Variants in CHD6 observed in about 807,000 individuals in gnomAD.
CHD6 encodes chromodomain helicase DNA binding protein 6, also known as ATP-dependent chromatin remodeler CHD6.
In CHD6, 50 loss-of-function variants were observed where a neutral mutation model predicts 276.9. The ratio of observed to expected loss-of-function variants is 0.18; its 90% CI spans 0.14 to 0.23. The LOEUF (loss-of-function observed/expected upper bound fraction) is 0.23. CHD6 is among the 10% of genes least tolerant of loss of function. CHD6 has a pLI of 1.00. For missense variants in CHD6, 2,564 were observed against 3,365.8 expected, an observed-to-expected ratio of 0.76 and a Z score of 5.89; for synonymous variants, 1,173 against 1,229.3, an observed-to-expected ratio of 0.95 and a Z score of 0.96.
At chr20:41,502,851 C>T (rs1306489994) in intron 5 of CHD6, among the ~76,000 whole-genome samples, 2 of 152,080 alleles carry the variant, frequency 1.3e-5, no homozygotes, top group Non-Finnish European at 2.9e-5. Context: ...ACTAAAAATA[C>T]AAAAATTAGC....
intron 35 of CHD6, 115 bp from the exon 36 acceptor site, chr20:41,412,378 G>A (rs1569044262): frequency 7.4e-6 from 9 of 1,223,486 alleles, no homozygotes; most frequent in Non-Finnish European, 1.0e-5. Flanking sequence ...GTCTGCACAG[G>A]AGCTGGCCAG....
Position 41,590,859 on chromosome 20 carries a change from G to C in CHD6, c.-24+27481C>G, listed in dbSNP as rs568729901. Among the ~76,000 whole-genome samples the C allele has an allele frequency of 3.9e-3, 583 of 151,144 alleles. 2 individuals carry two copies. The highest frequency in any genetic ancestry group is 9.8e-3 in the Admixed American group (149 of 15,224). On this transcript the variant is annotated intron_variant, in intron 1 of 36. Transcript: ENST00000373233. ...ATTTGACCCACCCATCCCATTACTGGGTATATACCCAAAGGATTATAAATC... is the reference window on the plus strand; with the variant it reads ...ATTTGACCCACCCATCCCATTACTGCGTATATACCCAAAGGATTATAAATC...
At chr20:41,440,975 C>A (rs965212239) in intron 25 of CHD6, among the ~76,000 whole-genome samples, 2 of 152,148 alleles carry the variant, frequency 1.3e-5, no homozygotes, top group Non-Finnish European at 2.9e-5. Context: ...ACTGTTGATG[C>A]AGTTGTATCC....
intron 8 of CHD6, among the ~76,000 whole-genome samples, chr20:41,494,162 C>T (rs972811176): frequency 6.6e-6 from 1 of 152,234 alleles, no homozygotes; most frequent in African/African-American, 2.4e-5. Flanking sequence ...AGTGGCTACA[C>T]CCTAGCCAGG....
intron 10 of CHD6, 68 bp downstream of exon 10, chr20:41,493,470 T>C: frequency 6.6e-7 from 1 of 1,511,558 alleles, no homozygotes; most frequent in East Asian, 2.3e-5. Flanking sequence ...CAGGTGGACT[T>C]CCATGATTGC....
At chr20:41,580,883 T>C (rs777116850) in intron 1 of CHD6, among the ~76,000 whole-genome samples, 4 of 152,196 alleles carry the variant, frequency 2.6e-5, no homozygotes, top group Non-Finnish European at 5.9e-5. Flanking sequence ...CCCCTAGGAA[T>C]AGGGCAGATT....
At chr20:41,601,715 A>G (rs2146286942) in intron 1 of CHD6, among the ~76,000 whole-genome samples, 1 of 152,372 alleles carries the variant, frequency 6.6e-6, no homozygotes, top group East Asian at 1.9e-4. Context: ...CCTGTGCCTC[A>G]GTTTCCTCAT....
At chr20:41,415,165 T>C in intron 34 of CHD6, 21 bp downstream of exon 34, 1 of 1,590,790 alleles carries the variant, frequency 6.3e-7, no homozygotes, top group African/African-American at 1.3e-5. Flanking sequence ...ATGTTTTTAA[T>C]CTAATGACCT....
At chr20:41,610,760 A>T (rs1423221897) in intron 1 of CHD6, among the ~76,000 whole-genome samples, 3 of 147,216 alleles carry the variant, frequency 2.0e-5, no homozygotes, top group Non-Finnish European at 4.5e-5. Flanking sequence ...TCCGTCTCAA[A>T]AAATAAATAA....
intron 14 of CHD6, 152 bp from the exon 15 acceptor site, chr20:41,484,759 A>C: frequency 1.3e-6 from 1 of 774,600 alleles, no homozygotes; most frequent in Non-Finnish European, 2.1e-6. Context: ...CTGAAAATGG[A>C]GAGTTTATAA....
chr20:41,577,534 T>C (rs1447882353), intron 1 of CHD6, among the ~76,000 whole-genome samples: 3 of 152,218 alleles, frequency 2.0e-5, no homozygotes, highest in Non-Finnish European at 2.9e-5. Context: ...GGTTATACAT[T>C]AAGAAGGACT....
intron 2 of CHD6, among the ~76,000 whole-genome samples, chr20:41,542,780 A>T (rs1209755388): frequency 6.6e-6 from 1 of 151,782 alleles, no homozygotes; most frequent in Non-Finnish European, 1.5e-5. Context: ...GACTCTAACC[A>T]CCCAGAATTG....
chr20:41,466,186 AG>A (rs2042915603), intron 17 of CHD6, among the ~76,000 whole-genome samples: 1 of 152,238 alleles, frequency 6.6e-6, no homozygotes, highest in South Asian at 2.1e-4. Flanking sequence ...TGGGTAACAC[AG>A]CAAGACTCCA....
intron 5 of CHD6, among the ~76,000 whole-genome samples, chr20:41,505,582 C>T (rs369642078): frequency 1.3e-5 from 2 of 152,162 alleles, no homozygotes; most frequent in African/African-American, 2.4e-5. Flanking sequence ...TTTAGTTCAT[C>T]TAATTCTTGT....
At chr20:41,440,678 A>G (rs957836587) in intron 25 of CHD6, among the ~76,000 whole-genome samples, 2 of 152,178 alleles carry the variant, frequency 1.3e-5, no homozygotes, top group Admixed American at 6.5e-5. Context: ...TCACACCCCA[A>G]AGTTAACAAC....
Position 41,415,605 on chromosome 20 carries a change from C to T in CHD6, c.6520G>A (p.Glu2174Lys), listed in dbSNP as rs779264439. Residue 2174 changes from glutamate to lysine, a missense_variant, in exon 34 of 37, where the codon GAA (glutamate) becomes AAA (lysine). Glu to Lys is a moderately conservative substitution (Grantham distance 56, BLOSUM62 1). Coordinates refer to ENST00000373233, the MANE Select transcript of CHD6 (RefSeq NM_032221.5). ...TCATAGGGACGCCTGTGCTTTTGTT[C>T]ATCCTTTGTGAATACTGGAGCTAAG... Reference protein sequence around the residue: ...SFLAPVFTKDEQKHRRPYEFE... With the variant: ...SFLAPVFTKDKQKHRRPYEFE... 7 of 1,607,136 alleles carry T rather than the reference C, an allele frequency of 4.4e-6. No homozygotes were observed. Among genetic ancestry groups the T allele is most frequent in the African/African-American group, 1.3e-5 (1 of 74,728 alleles).
At chr20:41,516,664 T>C (rs1277211629) in intron 3 of CHD6, among the ~76,000 whole-genome samples, 1 of 152,132 alleles carries the variant, frequency 6.6e-6, no homozygotes, top group Non-Finnish European at 1.5e-5. Context: ...AAAAGATAGC[T>C]GGCTCTGTGT....
At chr20:41,576,945 C>CT (rs976782532) in intron 1 of CHD6, among the ~76,000 whole-genome samples, 6 of 152,180 alleles carry the variant, frequency 3.9e-5, no homozygotes, top group African/African-American at 1.2e-4. Flanking sequence ...AGGTGGTTAA[C>CT]TTTTTTGTGA....
At chr20:41,528,661 AAAT>A (rs1314008824) in intron 3 of CHD6, among the ~76,000 whole-genome samples, 1 of 152,222 alleles carries the variant, frequency 6.6e-6, no homozygotes, top group Non-Finnish European at 1.5e-5. Context: ...TCTCTAAAAA[AAAT>A]AATAATAATA....
Sources: gnomAD v4.1 joint callset for allele counts (sites outside exome capture counted in the v4.1 genomes callset) on GRCh38, gnomAD v4.1.1 for gene constraint, MANE v1.5 for transcripts, NCBI Gene and HGNC (gene_info 2026-07-23, HGNC 2026-07-21) for gene names.